Variants in TNC observed in about 807,000 individuals in gnomAD.
TNC encodes tenascin.
A neutral mutation model predicts 202.4 loss-of-function variants in TNC; 109 were observed. The ratio of observed to expected loss-of-function variants is 0.54; its 90% CI spans 0.46 to 0.63. The LOEUF (loss-of-function observed/expected upper bound fraction) is 0.63, where lower values mean the gene tolerates loss of function less well. Among genes scored for constraint, TNC ranks in the 30% least tolerant of loss-of-function variants. The pLI, the probability that TNC is intolerant of heterozygous loss-of-function variation, is 0.00. For synonymous variants in TNC, 1,007 were observed against 1,089.7 expected (o/e 0.92, Z 1.50); for missense variants, 2,756 against 2,833.3 (o/e 0.97, Z 0.62).
chr9:115,031,508 T>C, intron 23 of TNC, 45 bp downstream of exon 23: 1 of 1,468,622 alleles, frequency 6.8e-7, no homozygotes, highest in Non-Finnish European at 9.0e-7. Flanking sequence ...GTTGATTCAG[T>C]CAAAGTTAGA....
chr9:115,101,563 T>C (rs1301465774), intron 1 of TNC, among the ~76,000 whole-genome samples: 1 of 152,234 alleles, frequency 6.6e-6, no homozygotes, highest in Non-Finnish European at 1.5e-5. Context: ...GTGATATTCT[T>C]AAGTGCCACT....
chr9:115,036,280 A>T (rs751863116), intron 20 of TNC, 39 bp from the exon 21 acceptor site: 2 of 1,608,518 alleles, frequency 1.2e-6, no homozygotes, highest in South Asian at 1.1e-5. Context: ...GTCACCTCTC[A>T]CTGTCTGAGC....
At position 115,084,371 on chromosome 9, in the gene TNC, T is replaced by G. The variant is rs778780516; in HGVS notation, c.1969A>C (p.Thr657Pro). The G allele has an allele frequency of 6.2e-7, 1 of 1,614,062 alleles. No individual in the cohort carries two copies. Among genetic ancestry groups the G allele is most frequent in the African/African-American group, 1.3e-5 (1 of 74,924 alleles). Residue 657 changes from threonine to proline, a missense_variant, in exon 4 of 28, where the codon ACG becomes CCG. Physicochemically the swap from Thr to Pro is conservative, Grantham distance 38 (BLOSUM62 -1). Coordinates refer to ENST00000350763, the MANE Select transcript of TNC (RefSeq NM_002160.4). ...TCCAGACCACCCTCGTGGGTGGGCG[T>G]GTACACGACAAGGTACTCTGTGACC... ...MRVTEYLVVYTPTHEGGLEMQ... is the reference protein window; with the variant it reads ...MRVTEYLVVYPPTHEGGLEMQ...
intron 6 of TNC, 120 bp downstream of exon 6, chr9:115,081,652 T>A (rs1834312126): frequency 2.5e-6 from 3 of 1,212,178 alleles, no homozygotes; most frequent in African/African-American, 1.5e-5. Flanking sequence ...TCTGGATTTT[T>A]AAAAATGCAG....
At chr9:115,097,163 C>T (rs997862542) in intron 1 of TNC, among the ~76,000 whole-genome samples, 12 of 152,108 alleles carry the variant, frequency 7.9e-5, no homozygotes, top group African/African-American at 2.7e-4. Context: ...AACCTGTGTT[C>T]GAATCCAGTT....
chr9:115,035,294 C>T lies in TNC; in HGVS notation c.5697G>A (p.Gln1899=), dbSNP rs139176024. 1 of 1,613,600 alleles carries T rather than the reference C, an allele frequency of 6.2e-7. No homozygotes were observed. Among genetic ancestry groups the T allele is most frequent in the Non-Finnish European group, 8.5e-7 (1 of 1,179,760 alleles). Reference sequence around the variant, plus strand: ...GCCAGGTAAGGAGGGCAGTTTCCGACTGAACCTCAGTAGCAGTCAAGTCTC... The same window carrying T: ...GCCAGGTAAGGAGGGCAGTTTCCGATTGAACCTCAGTAGCAGTCAAGTCTC... ...SPRDLTATEV[Q]SETALLTWRP... The change falls in exon 22 of 28, where the codon CAG becomes CAA. Residue 1899 remains glutamine, a synonymous_variant. Coordinates refer to ENST00000350763, the MANE Select transcript of TNC (RefSeq NM_002160.4).
chr9:115,095,446 G>GTA lies in TNC; in HGVS notation c.-136-4294_-136-4293dup, dbSNP rs369832537. Reference sequence around the variant, plus strand: ...AGAAAATATGCATGTCGTGGTATGTGTATATATATATGTATATATATATGT... The same window carrying GTA: ...AGAAAATATGCATGTCGTGGTATGTGTATATATATATATGTATATATATATGT... On this transcript the variant is annotated intron_variant, in intron 1 of 27. Coordinates refer to ENST00000350763, the MANE Select transcript of TNC (RefSeq NM_002160.4). Among the ~76,000 whole-genome samples, 373 of 96,148 alleles carry GTA rather than the reference G, an allele frequency of 3.9e-3. 5 individuals are homozygous for GTA. Among genetic ancestry groups the GTA allele is most frequent in the African/African-American group, 0.018 (348 of 19,442 alleles). 63.1% of individuals were successfully genotyped at this position (96,148 alleles called of 152,430 possible).
intron 10 of TNC, among the ~76,000 whole-genome samples, chr9:115,066,382 T>C (rs1278787875): frequency 1.3e-5 from 2 of 152,250 alleles, no homozygotes; most frequent in Non-Finnish European, 2.9e-5. Context: ...ACTGTTTTTT[T>C]CTATTTATAC....
chr9:115,049,888 T>C (rs185080605), intron 15 of TNC, among the ~76,000 whole-genome samples: 96 of 152,314 alleles, frequency 6.3e-4, no homozygotes, highest in African/African-American at 2.1e-3. Flanking sequence ...AATAAGGGAA[T>C]GAATACCTTC....
chr9:115,070,573 A>C (rs1833390985), intron 10 of TNC, among the ~76,000 whole-genome samples: 1 of 152,238 alleles, frequency 6.6e-6, no homozygotes, highest in African/African-American at 2.4e-5. Context: ...ATGGTGCCAC[A>C]TCAAGAAAAA....
chr9:115,073,853 G>A lies in TNC; in HGVS notation c.2964C>T (p.Pro988=). 1 of 1,610,710 alleles carries A rather than the reference G, an allele frequency of 6.2e-7. No individual in the cohort carries two copies. Among genetic ancestry groups the A allele is most frequent in the South Asian group, 1.1e-5 (1 of 91,062 alleles). Residue 988 remains proline, a synonymous_variant, in exon 10 of 28, where the codon CCC becomes CCT. Coordinates refer to ENST00000350763, the MANE Select transcript of TNC (RefSeq NM_002160.4). ...TINAATELDT[P]KDLQVSETAE... ...CAGTTTCAGAAACCTGAAGGTCCTT[G>A]GGCGTGTCCAACTCTGGGAGGAGAA...
At chr9:115,030,187 C>T in intron 24 of TNC, 67 bp downstream of exon 24, 9 of 1,487,344 alleles carry the variant, frequency 6.1e-6, no homozygotes, top group Non-Finnish European at 8.2e-6. Context: ...CCCTCTTCTC[C>T]TCCCCTGCTT....
rs1412310564 is a variant in TNC, at chr9:115,084,567, G to C, written c.1868-95C>G. 11 of 1,428,478 alleles carry C rather than the reference G, an allele frequency of 7.7e-6. No individual in the cohort carries two copies. In the Admixed American group the frequency reaches 1.1e-4, roughly 14 times the overall value. 88.5% of individuals were successfully genotyped at this position (1,428,478 alleles called of 1,614,324 possible). On this transcript the variant is annotated intron_variant, in intron 3 of 27. Transcript: ENST00000350763. ...CCTGTCTTTTCCACTGTCAGCCACA[G>C]AGGTCTGAAGATCTTCTGTTGCCTC... is the stretch of plus-strand genomic sequence containing the variant.
Position 115,086,546 on chromosome 9 carries a change from A to T in TNC, c.1185T>A (p.Asp395Glu). 1 of 1,613,482 alleles carries T rather than the reference A, an allele frequency of 6.2e-7. No individual in the cohort carries two copies. The highest frequency in any genetic ancestry group is 8.5e-7 in the Non-Finnish European group (1 of 1,179,856). Reference sequence around the variant, plus strand: ...CACAGTCAGCTCCAGTGAAACCATCATCACACTCACACCGCCCGTCTACAC... The same window carrying T: ...CACAGTCAGCTCCAGTGAAACCATCTTCACACTCACACCGCCCGTCTACAC... ...GRCVDGRCECDDGFTGADCGE... is the reference protein window; with the variant it reads ...GRCVDGRCECEDGFTGADCGE... Residue 395 changes from aspartate to glutamate, a missense_variant, in exon 3 of 28, where the codon GAT becomes GAA. By Grantham distance (45) the Asp-to-Glu change is conservative. This residue lies in a region of TNC where 2,559 missense variants were observed against 2,546.0 expected (regional missense o/e 1.01). Coordinates refer to ENST00000350763, the MANE Select transcript of TNC (RefSeq NM_002160.4).
In TNC at chr9:115,091,079, C is replaced by T; in HGVS notation, c.-61G>A. 7.2e-7 allele frequency: 1 copy of T among 1,382,336 alleles called. No individual in the cohort carries two copies. Among genetic ancestry groups the T allele is most frequent in the Non-Finnish European group, 1.0e-6 (1 of 997,350 alleles). The allele number at this position is 1,382,336 out of a possible 1,614,324, so 85.6% of individuals were successfully genotyped here. A position where few individuals can be genotyped will look rare whatever the true frequency, so the allele number is the denominator to read the frequency against. ...CTAGGGCTCTAGGGTATCTCACTTT[C>T]AGCAGAATTGGGGATTTAGAAGCAC... On this transcript the variant is annotated 5_prime_UTR_variant, in exon 2 of 28. Coordinates refer to ENST00000350763, the MANE Select transcript of TNC (RefSeq NM_002160.4).
chr9:115,094,569 T>C (rs1294121562), intron 1 of TNC, among the ~76,000 whole-genome samples: 1 of 152,212 alleles, frequency 6.6e-6, no homozygotes, highest in Non-Finnish European at 1.5e-5. Flanking sequence ...AGGACTTTTA[T>C]AATTTCAGAA....
chr9:115,079,535 G>A (rs1834139420), intron 6 of TNC, among the ~76,000 whole-genome samples: 1 of 152,082 alleles, frequency 6.6e-6, no homozygotes, highest in African/African-American at 2.4e-5. Flanking sequence ...AAAGAAGTTG[G>A]GTTTCCGTCA....
At chr9:115,026,865 G>A (rs1160885390) in intron 25 of TNC, among the ~76,000 whole-genome samples, 170 bp from the exon 26 acceptor site, 1 of 148,984 alleles carries the variant, frequency 6.7e-6, no homozygotes, top group Non-Finnish European at 1.5e-5. Context: ...GTGGGAGGGG[G>A]TGGGGGTGGG....
intron 6 of TNC, 64 bp from the exon 7 acceptor site, chr9:115,078,276 A>T: frequency 6.6e-7 from 1 of 1,524,230 alleles, no homozygotes; most frequent in Non-Finnish European, 8.8e-7. Context: ...CTTAGCAGAG[A>T]GAGGACTTTG....
Sources: gnomAD v4.1 joint callset for allele counts (sites outside exome capture counted in the v4.1 genomes callset) on GRCh38, gnomAD v4.1.1 for gene constraint, gnomAD v4.1.1 regional missense constraint, MANE v1.5 for transcripts, NCBI Gene and HGNC (gene_info 2026-07-23, HGNC 2026-07-21) for gene names.